RALYL: variants seen among roughly 807,000 people sequenced by gnomAD.
RALYL encodes RNA-binding Raly-like protein.
RALYL carries 29 observed loss-of-function variants against 35.1 expected under a neutral mutation model. That is an observed-to-expected ratio of 0.83 (90% CI 0.61 to 1.13). RALYL has a LOEUF of 1.13. Ranked by LOEUF, RALYL falls within the 50% of genes most tolerant of loss-of-function variation. RALYL has a pLI of 0.00. For missense variants in RALYL, 359 were observed against 360.4 expected (o/e 1.00, Z 0.03); for synonymous variants, 120 against 127.6 (o/e 0.94, Z 0.40).
intron 1 of RALYL, among the ~76,000 whole-genome samples, chr8:84,336,260 C>T (rs193247129): frequency 6.6e-6 from 1 of 152,222 alleles, no homozygotes; most frequent in Non-Finnish European, 1.5e-5. Flanking sequence ...ACTGCTAGAT[C>T]TACTGGAGCT....
rs527729799 is a variant in RALYL, at chr8:84,203,228, T to A, written c.-24+18804T>A. On this transcript the variant is annotated intron_variant, in intron 1 of 8. Coordinates refer to ENST00000521268, the MANE Select transcript of RALYL (RefSeq NM_173848.7). ...TTTGAGTCCTGCAGAGTTGCCAGGA[T>A]GACTAGTTTGTTGAAAAGAACCATT... Among the ~76,000 whole-genome samples the A allele has an allele frequency of 2.6e-5, 4 of 152,198 alleles. No homozygotes were observed. The South Asian group carries it at 8.3e-4, about 32-fold the overall frequency.
chr8:84,377,371 A>G (rs1461652109), intron 1 of RALYL, among the ~76,000 whole-genome samples: 2 of 151,486 alleles, frequency 1.3e-5, no homozygotes, highest in Admixed American at 6.6e-5. Flanking sequence ...TCATGTCCAA[A>G]ATGAGTTGTC....
At chr8:84,574,973 G>T (rs1230326886) in intron 2 of RALYL, among the ~76,000 whole-genome samples, 1 of 152,094 alleles carries the variant, frequency 6.6e-6, no homozygotes, top group East Asian at 1.9e-4. Flanking sequence ...AATTCTGGCT[G>T]TTTTCACTCA....
At chr8:84,781,063 A>G (rs1273334763) in intron 3 of RALYL, among the ~76,000 whole-genome samples, 1 of 151,960 alleles carries the variant, frequency 6.6e-6, no homozygotes, top group East Asian at 1.9e-4. Context: ...GGATTTCACC[A>G]TGTTGCCCAG....
At chr8:84,764,373 T>C (rs1330824919) in intron 2 of RALYL, among the ~76,000 whole-genome samples, 2 of 152,214 alleles carry the variant, frequency 1.3e-5, no homozygotes, top group Non-Finnish European at 2.9e-5. Context: ...TGAAAATGAA[T>C]GCTCCCTGAC....
At chr8:84,828,686 G>C in intron 4 of RALYL, 1 of 186,522 alleles carries the variant, frequency 5.4e-6, no homozygotes, top group Non-Finnish European at 1.2e-5. Flanking sequence ...TAACAGTTCA[G>C]TTTCTTGCTT....
At chr8:84,274,399 A>C (rs1834942810) in intron 1 of RALYL, among the ~76,000 whole-genome samples, 1 of 152,168 alleles carries the variant, frequency 6.6e-6, no homozygotes, top group Non-Finnish European at 1.5e-5. Context: ...CAGGAAGCTG[A>C]GCTGTGTATT....
At chr8:84,484,372 G>A (rs916127691) in intron 1 of RALYL, among the ~76,000 whole-genome samples, 6 of 152,078 alleles carry the variant, frequency 3.9e-5, no homozygotes, top group Admixed American at 3.3e-4. Context: ...ACTGTGGTAT[G>A]ACAGAGATAT....
chr8:84,185,600 C>G (rs2130800989), intron 1 of RALYL, among the ~76,000 whole-genome samples: 1 of 152,240 alleles, frequency 6.6e-6, no homozygotes, highest in Non-Finnish European at 1.5e-5. Flanking sequence ...TCTGGAGAGT[C>G]ACCATTATTT....
At chr8:84,666,767 A>C (rs1832146062) in intron 2 of RALYL, among the ~76,000 whole-genome samples, 1 of 152,048 alleles carries the variant, frequency 6.6e-6, no homozygotes, top group Admixed American at 6.6e-5. Context: ...TCATACTCCC[A>C]GATTTAGCAA....
intron 2 of RALYL, among the ~76,000 whole-genome samples, chr8:84,730,833 T>TA (rs762056418): frequency 1.3e-5 from 2 of 151,874 alleles, no homozygotes; most frequent in Non-Finnish European, 2.9e-5. Flanking sequence ...GTAGAGGAAT[T>TA]AAAAAACAAA....
intron 2 of RALYL, among the ~76,000 whole-genome samples, chr8:84,662,933 A>C (rs1588853965): frequency 6.6e-6 from 1 of 152,040 alleles, no homozygotes; most frequent in Admixed American, 6.6e-5. Flanking sequence ...TCATCCCATC[A>C]CCTACAGATT....
chr8:84,320,001 A>T (rs1408971284), intron 1 of RALYL, among the ~76,000 whole-genome samples: 1 of 152,102 alleles, frequency 6.6e-6, no homozygotes, highest in Admixed American at 6.6e-5. Flanking sequence ...GTCAGTGTGT[A>T]TAAATTCCTA....
chr8:84,614,606 T>C (rs1002067723), intron 2 of RALYL, among the ~76,000 whole-genome samples: 4 of 151,502 alleles, frequency 2.6e-5, no homozygotes, highest in Non-Finnish European at 4.4e-5. Flanking sequence ...ATTATTAGGT[T>C]GGTACAAATG....
intron 1 of RALYL, among the ~76,000 whole-genome samples, chr8:84,521,479 A>T (rs1463267681): frequency 1.3e-5 from 2 of 152,212 alleles, no homozygotes; most frequent in Non-Finnish European, 2.9e-5. Flanking sequence ...TGACCCAGCC[A>T]GTTGTGTTGT....
At chr8:84,277,084 A>G (rs2132027145) in intron 1 of RALYL, among the ~76,000 whole-genome samples, 1 of 152,316 alleles carries the variant, frequency 6.6e-6, no homozygotes, top group Admixed American at 6.5e-5. Context: ...TACCTTTAAT[A>G]TTAATGTAGC....
intron 1 of RALYL, among the ~76,000 whole-genome samples, chr8:84,218,417 T>A (rs982128447): frequency 2.0e-5 from 3 of 152,058 alleles, no homozygotes; most frequent in Admixed American, 6.6e-5. Flanking sequence ...AAAAATGCTG[T>A]CAGTTCAACT....
intron 1 of RALYL, among the ~76,000 whole-genome samples, chr8:84,456,249 A>G (rs2050120914): frequency 1.3e-5 from 2 of 152,134 alleles, no homozygotes; most frequent in East Asian, 1.9e-4. Flanking sequence ...ACATTAAAAA[A>G]TGACCTTTTA....
At chr8:84,522,386 A>G (rs978310274) in intron 1 of RALYL, among the ~76,000 whole-genome samples, 1 of 150,598 alleles carries the variant, frequency 6.6e-6, no homozygotes, top group African/African-American at 2.4e-5. Context: ...AGTAGCTGGG[A>G]CTACAGGCGC....
Sources: allele counts gnomAD v4.1 joint callset (sites outside exome capture counted in the v4.1 genomes callset), GRCh38; gene constraint gnomAD v4.1.1; transcripts MANE v1.5; gene names NCBI Gene and HGNC (gene_info 2026-07-23, HGNC 2026-07-21).